The following ABHD12 variants were observed in gnomAD, a reference collection of about 807,000 sequenced individuals.
ABHD12 encodes the protein lysophosphatidylserine lipase ABHD12.
ABHD12 carries 43 observed loss-of-function variants against 58.3 expected under a neutral mutation model. The ratio of observed to expected loss-of-function variants is 0.74; its 90% CI spans 0.58 to 0.95. The LOEUF is 0.95. Ranked by LOEUF, ABHD12 falls within the 40% of genes least tolerant of loss-of-function variation. The probability of loss-of-function intolerance (pLI) is 0.00; values close to 1 mark genes in which losing one functional copy is unlikely to be tolerated. For synonymous variants in ABHD12, 219 were observed against 211.2 expected, an observed-to-expected ratio of 1.04 and a Z score of -0.32; for missense variants, 539 against 537.2, an observed-to-expected ratio of 1.00 and a Z score of -0.03.
chr20:25,346,175 TTAA>T (rs1459140150), intron 1 of ABHD12, among the ~76,000 whole-genome samples: 1 of 152,124 alleles, frequency 6.6e-6, no homozygotes. Flanking sequence ...TGGCAGAAAC[TTAA>T]TATTATTTAG....
At position 25,306,929 on chromosome 20, in the gene ABHD12, G is replaced by A; in HGVS notation, c.868-14C>T. ...GTATCGATATATCTGGAGACAAGAT[G>A]GAAACCATTTTCAGAAGCGTTGGTT... is the stretch of plus-strand genomic sequence containing the variant. On this transcript the variant is annotated splice_polypyrimidine_tract_variant and intron_variant, in intron 9 of 12. Coordinates refer to ENST00000339157, the MANE Select transcript of ABHD12 (RefSeq NM_001042472.3). The A allele has an allele frequency of 3.2e-6, 5 of 1,586,518 alleles. No individual in the cohort carries two copies. The highest frequency in any genetic ancestry group is 4.3e-6 in the Non-Finnish European group (5 of 1,156,424).
At chr20:25,339,406 A>C in intron 1 of ABHD12, 55 bp from the exon 2 acceptor site, 2 of 1,612,864 alleles carry the variant, frequency 1.2e-6, no homozygotes, top group Non-Finnish European at 1.7e-6. Flanking sequence ...ATTTTGCTGT[A>C]GTTTGTTAAT....
At position 25,344,140 on chromosome 20, in the gene ABHD12, A is replaced by AGT. The variant is rs2089489014; in HGVS notation, c.192-4790_192-4789insAC. Among the ~76,000 whole-genome samples the AGT allele has an allele frequency of 1.3e-5, 2 of 152,256 alleles. 1 individual carries two copies. The highest frequency in any genetic ancestry group is 1.3e-4 in the Admixed American group (2 of 15,282). The stretch of plus-strand genomic sequence containing the variant: ...TTCCTCAACTTGATAATATCTACAA[A>AGT]AAACAGTTAACATCTTACTTAATGA... On this transcript the variant is annotated intron_variant, in intron 1 of 12. Transcript: ENST00000339157.
rs181058191 is a variant in ABHD12, at chr20:25,385,230, G to A, written c.191+5283C>T. The stretch of plus-strand genomic sequence containing the variant: ...CACATACCTGTAATCCCAGCTACTC[G>A]GGAGGCGGAGGCAGGAAAATCGCTT... On this transcript the variant is annotated intron_variant, in intron 1 of 12. Transcript: ENST00000339157. Among the ~76,000 whole-genome samples, 46 of 151,282 alleles carry A rather than the reference G, an allele frequency of 3.0e-4. No individual in the cohort carries two copies. The East Asian group carries it at 3.5e-3, about 12-fold the overall frequency.
chr20:25,302,753 C>A (rs1019114384), intron 11 of ABHD12, among the ~76,000 whole-genome samples: 2 of 152,176 alleles, frequency 1.3e-5, no homozygotes, highest in Non-Finnish European at 2.9e-5. Flanking sequence ...CTCATTTCGG[C>A]AAGGGTAGGT....
At chr20:25,317,113 C>G in intron 4 of ABHD12, 35 bp from the exon 5 acceptor site, 1 of 1,584,936 alleles carries the variant, frequency 6.3e-7, no homozygotes, top group South Asian at 1.1e-5. Flanking sequence ...GTGAGCACAT[C>G]TTCTCAGAGT....
At chr20:25,362,963 G>A (rs1055407086) in intron 1 of ABHD12, among the ~76,000 whole-genome samples, 1 of 151,800 alleles carries the variant, frequency 6.6e-6, no homozygotes, top group African/African-American at 2.4e-5. Context: ...GTGAACCACT[G>A]TGCCCAGCCT....
At chr20:25,318,902 G>A (rs1010662248) in intron 4 of ABHD12, among the ~76,000 whole-genome samples, 1 of 152,162 alleles carries the variant, frequency 6.6e-6, no homozygotes, top group Non-Finnish European at 1.5e-5. Context: ...ACCGCTTCAC[G>A]GGCCATGCCG....
At chr20:25,377,922 T>A (rs2089979395) in intron 1 of ABHD12, among the ~76,000 whole-genome samples, 1 of 152,144 alleles carries the variant, frequency 6.6e-6, no homozygotes, top group Admixed American at 6.6e-5. Flanking sequence ...GGTCTTGATC[T>A]CTTGATCTCG....
At chr20:25,299,893 C>T (rs149226462), downstream of ABHD12, among the ~76,000 whole-genome samples, 1,092 of 152,246 alleles carry the variant, frequency 7.2e-3, 15 homozygotes, top group African/African-American at 0.025. Flanking sequence ...TGCTCCCCTG[C>T]GTAGGAAAAG....
intron 2 of ABHD12, among the ~76,000 whole-genome samples, chr20:25,330,328 C>A (rs927717571): frequency 4.6e-5 from 7 of 152,216 alleles, no homozygotes; most frequent in African/African-American, 1.7e-4. Flanking sequence ...CACGGAGTCT[C>A]GCTGATTGCT....
In ABHD12 at chr20:25,303,603, G is replaced by A; in HGVS notation, c.976C>T (p.Leu326Phe). 1 of 1,613,882 alleles carries A rather than the reference G, an allele frequency of 6.2e-7. No individual in the cohort carries two copies. The highest frequency in any genetic ancestry group is 8.5e-7 in the Non-Finnish European group (1 of 1,179,998). ...GGGTCGTCCTCAGCGTGCAGGATGA[G>A]CAGGGGACAGGAGATGTGCTTCACG... Reference protein sequence around the residue: ...ENVKHISCPLLILHAEDDPVV... With the variant: ...ENVKHISCPLFILHAEDDPVV... Residue 326 changes from leucine (L) to phenylalanine (F), a missense_variant, in exon 11 of 13, where the codon CTC (leucine) becomes TTC (phenylalanine). By Grantham distance (22) the Leu-to-Phe change is conservative (BLOSUM62 0). Transcript: ENST00000339157.
intron 1 of ABHD12, among the ~76,000 whole-genome samples, chr20:25,366,738 G>T (rs574428044): frequency 6.6e-6 from 1 of 152,168 alleles, no homozygotes; most frequent in Non-Finnish European, 1.5e-5. Context: ...CTACCCAATT[G>T]TCCCAAAAAC....
intron 1 of ABHD12, among the ~76,000 whole-genome samples, chr20:25,346,205 G>A (rs933274731): frequency 6.6e-6 from 1 of 152,136 alleles, no homozygotes; most frequent in African/African-American, 2.4e-5. Context: ...TTATTACTAA[G>A]TGAAAGAAGC....
At chr20:25,381,874 TC>T (rs2090026637) in intron 1 of ABHD12, among the ~76,000 whole-genome samples, 1 of 152,138 alleles carries the variant, frequency 6.6e-6, no homozygotes. Context: ...GCCAGGCTGG[TC>T]CTGAACTCCT....
intron 1 of ABHD12, among the ~76,000 whole-genome samples, chr20:25,386,806 G>C (rs1039093790): frequency 6.6e-6 from 1 of 152,048 alleles, no homozygotes; most frequent in Admixed American, 6.5e-5. Flanking sequence ...GCTTGAACCT[G>C]GGAGGCAGAA....
chr20:25,390,679 C>T lies in ABHD12; in HGVS notation c.25G>A (p.Ala9Thr), dbSNP rs946725124. The change falls in exon 1 of 13, where the codon GCC becomes ACC. Residue 9 changes from alanine (A) to threonine (T), a missense_variant. Coordinates refer to ENST00000339157, the MANE Select transcript of ABHD12 (RefSeq NM_001042472.3). ...GCGGCGCAGCGCTCATGCTCCAAGG[C>T]GACGGGCTCGGTCCGCTTCCTCATC... MRKRTEPV[A>T]LEHERCAAAG... The T allele has an allele frequency of 1.4e-6, 2 of 1,428,410 alleles. No homozygotes were observed. The highest frequency in any genetic ancestry group is 2.6e-5 in the Admixed American group (1 of 37,872). The allele number at this position is 1,428,410 out of a possible 1,614,324, so 88.5% of individuals were successfully genotyped here. A position where few individuals can be genotyped will look rare whatever the true frequency, so the allele number is the denominator to read the frequency against.
chr20:25,296,317 A>G, downstream of ABHD12: 1 of 1,601,850 alleles, frequency 6.2e-7, no homozygotes, highest in Non-Finnish European at 8.6e-7. Context: ...CCATGTTTTT[A>G]GCAGCCCCAA....
At chr20:25,303,515 T>C (rs1338255725) in intron 11 of ABHD12, 35 bp downstream of exon 11, 2 of 1,610,466 alleles carry the variant, frequency 1.2e-6, no homozygotes, top group Non-Finnish European at 1.7e-6. Flanking sequence ...GTGTGCAAGA[T>C]GCCAGCTACA....
Sources: gnomAD v4.1 joint callset for allele counts (sites outside exome capture counted in the v4.1 genomes callset) on GRCh38, gnomAD v4.1.1 for gene constraint, MANE v1.5 for transcripts, NCBI Gene and HGNC (gene_info 2026-07-23, HGNC 2026-07-21) for gene names.